The following DPP6 variants were observed in gnomAD, a reference collection of about 807,000 sequenced individuals.
DPP6 encodes the protein dipeptidyl peptidase like 6.
In DPP6, 69 loss-of-function variants were observed where a neutral mutation model predicts 122.6. The ratio of observed to expected loss-of-function variants is 0.56; its 90% CI spans 0.46 to 0.69. DPP6 has a LOEUF of 0.69. Among genes scored for constraint, DPP6 ranks in the 30% least tolerant of loss-of-function variants. The pLI, the probability that DPP6 is intolerant of heterozygous loss-of-function variation, is 0.00. For synonymous variants in DPP6, 418 were observed against 433.1 expected (o/e 0.97, Z 0.43); for missense variants, 928 against 1,116.9 (o/e 0.83, Z 2.41).
At chr7:154,010,412 C>G (rs540706417) in intron 1 of DPP6, among the ~76,000 whole-genome samples, 2 of 152,336 alleles carry the variant, frequency 1.3e-5, no homozygotes, top group South Asian at 4.1e-4. Context: ...CAGTTGTCAT[C>G]TGAAATAATG....
At chr7:154,705,627 C>G (rs1373693998) in intron 7 of DPP6, among the ~76,000 whole-genome samples, 1 of 152,202 alleles carries the variant, frequency 6.6e-6, no homozygotes, top group Non-Finnish European at 1.5e-5. Flanking sequence ...GGATGGAATC[C>G]TGCAGATTTA....
At chr7:153,797,886 A>G in the DPP6 span, among the ~76,000 whole-genome samples, 59 of 151,822 alleles carry the variant, frequency 3.9e-4, no homozygotes, top group Middle Eastern at 3.4e-3. Context: ...CTGTCGCCCA[A>G]GCTGGAGTGC....
At chr7:153,916,268 C>T (rs181755753) in intron 1 of DPP6, among the ~76,000 whole-genome samples, 6 of 151,900 alleles carry the variant, frequency 3.9e-5, no homozygotes, top group African/African-American at 1.2e-4. Context: ...CCACTGTGCC[C>T]GGCCCTCTGA....
At chr7:153,776,438 A>G in the DPP6 span, among the ~76,000 whole-genome samples, 3 of 152,222 alleles carry the variant, frequency 2.0e-5, no homozygotes, top group South Asian at 6.2e-4. Flanking sequence ...CACATGAAGA[A>G]GGACGTGTTT....
At chr7:153,985,003 G>A (rs1389582538) in intron 1 of DPP6, among the ~76,000 whole-genome samples, 3 of 152,134 alleles carry the variant, frequency 2.0e-5, no homozygotes, top group Non-Finnish European at 4.4e-5. Context: ...TTCATTTATC[G>A]GCCAGCCTTT....
intron 1 of DPP6, chr7:154,094,826 G>A (rs547605173): frequency 6.6e-6 from 1 of 152,342 alleles, no homozygotes; most frequent in African/African-American, 2.4e-5. Context: ...GTAAGTTGGT[G>A]AGGACCCATG....
intron 6 of DPP6, among the ~76,000 whole-genome samples, chr7:154,638,516 C>G (rs969513439): frequency 6.6e-6 from 1 of 152,106 alleles, no homozygotes; most frequent in Admixed American, 6.5e-5. Context: ...GACTGGGCCC[C>G]CCGGCTTCAT....
the DPP6 span, among the ~76,000 whole-genome samples, chr7:153,839,842 A>C: frequency 6.6e-6 from 1 of 152,228 alleles, no homozygotes. Flanking sequence ...TCTAGGATCC[A>C]AAAATGTGTT....
intron 1 of DPP6, among the ~76,000 whole-genome samples, chr7:154,166,762 T>C (rs1489870979): frequency 2.7e-5 from 4 of 147,888 alleles, no homozygotes; most frequent in Non-Finnish European, 5.9e-5. Context: ...AATACAAAAA[T>C]TAGCCAGGCA....
chr7:154,656,009 T>C (rs1837215356), intron 6 of DPP6, among the ~76,000 whole-genome samples: 2 of 151,454 alleles, frequency 1.3e-5, no homozygotes, highest in African/African-American at 4.9e-5. Context: ...ACAACAGAAA[T>C]TGCCCCTCCC....
chr7:153,932,384 A>G (rs1283174444), intron 1 of DPP6, among the ~76,000 whole-genome samples: 1 of 152,110 alleles, frequency 6.6e-6, no homozygotes, highest in Non-Finnish European at 1.5e-5. Context: ...CGGCCTCCCA[A>G]AGTGCTGGGA....
the DPP6 span, among the ~76,000 whole-genome samples, chr7:153,875,264 TC>T: frequency 6.6e-6 from 1 of 152,166 alleles, no homozygotes; most frequent in Admixed American, 6.5e-5. Flanking sequence ...GCTCTAAAGT[TC>T]TTCTTCAAAA....
intron 1 of DPP6, among the ~76,000 whole-genome samples, chr7:154,264,737 G>C (rs187159341): frequency 6.3e-4 from 96 of 151,548 alleles, no homozygotes; most frequent in Non-Finnish European, 1.2e-3. Flanking sequence ...AGTGACAATG[G>C]TGTTAATGAT....
At chr7:154,057,264 C>T (rs1010433955) in intron 1 of DPP6, among the ~76,000 whole-genome samples, 3 of 151,142 alleles carry the variant, frequency 2.0e-5, no homozygotes, top group African/African-American at 4.9e-5. Flanking sequence ...AACATAAAGG[C>T]CTCCCATTTC....
chr7:154,455,066 A>C (rs1056075593), intron 2 of DPP6, among the ~76,000 whole-genome samples: 1 of 152,188 alleles, frequency 6.6e-6, no homozygotes, highest in Admixed American at 6.5e-5. Context: ...GGTGGGCTCC[A>C]TCTCTCTGCT....
At chr7:153,831,376 C>T in the DPP6 span, among the ~76,000 whole-genome samples, 1 of 152,094 alleles carries the variant, frequency 6.6e-6, no homozygotes, top group Non-Finnish European at 1.5e-5. Context: ...GAAAGGCAGC[C>T]AGCAAAGACC....
At chr7:154,477,302 C>T (rs2151355829) in intron 3 of DPP6, among the ~76,000 whole-genome samples, 1 of 141,882 alleles carries the variant, frequency 7.0e-6, no homozygotes, top group Middle Eastern at 3.6e-3. Context: ...TCTTTCTGCT[C>T]CTTCTCTGCT....
chr7:154,680,831 G>A (rs1185080830), intron 7 of DPP6, among the ~76,000 whole-genome samples: 3 of 152,190 alleles, frequency 2.0e-5, no homozygotes, highest in Middle Eastern at 3.4e-3. Flanking sequence ...TGAATAAGCC[G>A]CCCATCACCC....
At chr7:154,261,857 C>A (rs1040876477) in intron 1 of DPP6, among the ~76,000 whole-genome samples, 1 of 152,100 alleles carries the variant, frequency 6.6e-6, no homozygotes, top group Non-Finnish European at 1.5e-5. Context: ...CTTACTCCTG[C>A]AAGAATGATT....
Sources: gnomAD v4.1 joint callset for allele counts (sites outside exome capture counted in the v4.1 genomes callset) on GRCh38, gnomAD v4.1.1 for gene constraint, MANE v1.5 for transcripts, NCBI Gene and HGNC (gene_info 2026-07-23, HGNC 2026-07-21) for gene names.